TCF7L1: variants seen among roughly 807,000 people sequenced by gnomAD.
TCF7L1 encodes transcription factor 7 like 1, also known as transcription factor 7-like 1.
Under a neutral mutation model 63.7 loss-of-function variants are expected in TCF7L1, and 18 were observed. The ratio of observed to expected loss-of-function variants is 0.28; its 90% confidence interval spans 0.20 to 0.42. TCF7L1 has a LOEUF of 0.42. Ranked by LOEUF, TCF7L1 falls within the 10% of genes least tolerant of loss-of-function variation. TCF7L1 has a pLI of 1.00. For missense variants in TCF7L1, 654 were observed against 779.3 expected (o/e 0.84, Z 1.91); for synonymous variants, 355 against 340.9 (o/e 1.04, Z -0.46).
At chr2:85,246,873 A>C (rs1001428552) in intron 3 of TCF7L1, among the ~76,000 whole-genome samples, 1 of 152,208 alleles carries the variant, frequency 6.6e-6, no homozygotes, top group Non-Finnish European at 1.5e-5. Flanking sequence ...CTTGTAGGAC[A>C]GGAGAATTGC....
At chr2:85,254,760 T>C (rs1244122777) in intron 3 of TCF7L1, among the ~76,000 whole-genome samples, 1 of 152,206 alleles carries the variant, frequency 6.6e-6, no homozygotes, top group Non-Finnish European at 1.5e-5. Context: ...GCCCCCACCC[T>C]GTCTGGCATT....
At chr2:85,301,316 C>G (rs187392483) in intron 4 of TCF7L1, among the ~76,000 whole-genome samples, 69 of 152,276 alleles carry the variant, frequency 4.5e-4, no homozygotes, top group Non-Finnish European at 8.7e-4. Context: ...TGTAATCTTT[C>G]TGGGCTGTTC....
At chr2:85,226,379 ATT>A (rs1558639404) in intron 3 of TCF7L1, among the ~76,000 whole-genome samples, 1 of 151,992 alleles carries the variant, frequency 6.6e-6, no homozygotes, top group Non-Finnish European at 1.5e-5. Flanking sequence ...ACCTATCCCT[ATT>A]TTACCATTAA....
intron 3 of TCF7L1, among the ~76,000 whole-genome samples, chr2:85,158,398 C>G (rs902003882): frequency 7.2e-5 from 11 of 152,168 alleles, no homozygotes; most frequent in Non-Finnish European, 1.5e-4. Context: ...GAAGCTGAAG[C>G]CAGTCCAGAA....
At chr2:85,252,233 C>T (rs1680607532) in intron 3 of TCF7L1, among the ~76,000 whole-genome samples, 1 of 152,218 alleles carries the variant, frequency 6.6e-6, no homozygotes, top group Non-Finnish European at 1.5e-5. Context: ...GGTCCTCCCA[C>T]ATCCTCCCCA....
chr2:85,232,854 G>T (rs1272777000), intron 3 of TCF7L1: 1 of 152,144 alleles, frequency 6.6e-6, no homozygotes, highest in Non-Finnish European at 1.5e-5. Flanking sequence ...AAAACCAGTG[G>T]GCTACTGTTA....
intron 3 of TCF7L1, among the ~76,000 whole-genome samples, chr2:85,263,251 G>A (rs1269339929): frequency 6.6e-6 from 1 of 151,878 alleles, no homozygotes; most frequent in Non-Finnish European, 1.5e-5. Context: ...GGGAAGGGTA[G>A]GCCAGGGCTT....
intron 3 of TCF7L1, among the ~76,000 whole-genome samples, chr2:85,263,236 G>A (rs764706239): frequency 2.6e-4 from 39 of 151,862 alleles, no homozygotes; most frequent in Non-Finnish European, 4.1e-4. Context: ...TAGGCAGTTG[G>A]AGATGGGAAG....
rs764692238 is a variant in TCF7L1 at position 85,303,944 on chromosome 2, C to A, written c.708C>A (p.Leu236=). The change falls in exon 6 of 12, where the codon CTC becomes CTA. Residue 236 remains leucine, a synonymous_variant. Coordinates refer to ENST00000282111, the MANE Select transcript of TCF7L1 (RefSeq NM_031283.3). ...CCGAGCTGTCACCGTATTACCCACT[C>A]TCTCCCGGAGCTGTCGGACAAATCC... ...HPSELSPYYP[L]SPGAVGQIPH... 4 of 1,613,958 alleles carry A rather than the reference C, an allele frequency of 2.5e-6. No homozygotes were observed. The South Asian group carries it at 4.4e-5, about 18-fold the overall frequency.
chr2:85,244,974 G>T (rs1680426233), intron 3 of TCF7L1, among the ~76,000 whole-genome samples: 1 of 152,146 alleles, frequency 6.6e-6, no homozygotes, highest in Non-Finnish European at 1.5e-5. Flanking sequence ...AGGAAGAGGG[G>T]CTGCTGCTGA....
chr2:85,229,020 C>CAAAAAA (rs1182542916), intron 3 of TCF7L1, among the ~76,000 whole-genome samples: 1 of 57,372 alleles, frequency 1.7e-5, no homozygotes, highest in Non-Finnish European at 3.8e-5. Context: ...GACTCTGTCT[C>CAAAAAA]AAAAAAAAAA....
At chr2:85,152,499 A>T (rs888851811) in intron 3 of TCF7L1, among the ~76,000 whole-genome samples, 2 of 144,144 alleles carry the variant, frequency 1.4e-5, no homozygotes, top group Non-Finnish European at 3.0e-5. Flanking sequence ...CAGGGGCGCG[A>T]TCTTGGCTCA....
chr2:85,192,635 G>A (rs1306910938), intron 3 of TCF7L1, among the ~76,000 whole-genome samples: 3 of 151,538 alleles, frequency 2.0e-5, no homozygotes, highest in Non-Finnish European at 2.9e-5. Flanking sequence ...CATCTGCCTC[G>A]GCCTCCCAGA....
chr2:85,159,792 C>T (rs575896649), intron 3 of TCF7L1, among the ~76,000 whole-genome samples: 64 of 152,352 alleles, frequency 4.2e-4, no homozygotes, highest in East Asian at 1.9e-4. Context: ...GACATCCTGC[C>T]GGCCTTGCTG....
intron 3 of TCF7L1, among the ~76,000 whole-genome samples, chr2:85,223,175 G>A (rs1164901660): frequency 6.6e-6 from 1 of 152,196 alleles, no homozygotes; most frequent in Non-Finnish European, 1.5e-5. Context: ...TCAAACTCCT[G>A]GGCCCAAGCA....
chr2:85,211,605 A>G (rs1225192499), intron 3 of TCF7L1, among the ~76,000 whole-genome samples: 2 of 152,150 alleles, frequency 1.3e-5, no homozygotes, highest in African/African-American at 4.8e-5. Flanking sequence ...CTTATAATTT[A>G]GGCAAGAAGA....
rs145531742 is a variant in TCF7L1, at chr2:85,149,692, T to C, written c.441+15242T>C. ...GGCACCTGTCATTACACCTGGCTAA[T>C]TTTTGTGTTTTTAGTAGAGACAGGG... On this transcript the variant is annotated intron_variant, in intron 3 of 11. Transcript: ENST00000282111. Among the ~76,000 whole-genome samples the C allele has an allele frequency of 3.6e-3, 549 of 152,202 alleles. 1 individual carries two copies. Among genetic ancestry groups the C allele is most frequent in the African/African-American group, 0.012 (510 of 41,510 alleles).
intron 3 of TCF7L1, among the ~76,000 whole-genome samples, chr2:85,195,798 C>T (rs939024314): frequency 6.6e-6 from 1 of 152,154 alleles, no homozygotes; most frequent in Admixed American, 6.5e-5. Flanking sequence ...CCTCCTGCCT[C>T]GGCCTCCCAA....
intron 3 of TCF7L1, among the ~76,000 whole-genome samples, chr2:85,277,686 C>T (rs756660249): frequency 4.6e-5 from 7 of 152,192 alleles, no homozygotes; most frequent in Non-Finnish European, 8.8e-5. Context: ...CTAGAAGCAG[C>T]GGAAGGCGTT....
Sources: gnomAD v4.1 joint callset for allele counts (sites outside exome capture counted in the v4.1 genomes callset) on GRCh38, gnomAD v4.1.1 for gene constraint, MANE v1.5 for transcripts, NCBI Gene and HGNC (gene_info 2026-07-23, HGNC 2026-07-21) for gene names.